The following SMYD2 variants were observed in gnomAD, a reference collection of about 807,000 sequenced individuals.
SMYD2 encodes N-lysine methyltransferase SMYD2.
SMYD2 carries 53 observed loss-of-function variants against 59.1 expected under a neutral mutation model. That is an observed-to-expected ratio of 0.90 (90% CI 0.72 to 1.13). The LOEUF (loss-of-function observed/expected upper bound fraction) is 1.13. Among genes scored for constraint, SMYD2 ranks in the 50% most tolerant of loss-of-function variants. The pLI is 0.00. For missense variants in SMYD2, 494 were observed against 544.7 expected (o/e 0.91, Z 0.93); for synonymous variants, 208 against 198.8 (o/e 1.05, Z -0.39).
intron 3 of SMYD2, among the ~76,000 whole-genome samples, chr1:214,315,807 T>C (rs1473561518): frequency 6.6e-6 from 1 of 152,180 alleles, no homozygotes; most frequent in Admixed American, 6.5e-5. Flanking sequence ...GTGCTCAAGA[T>C]TGTATTGACC....
chr1:214,295,371 C>T (rs1032586740), intron 1 of SMYD2, among the ~76,000 whole-genome samples: 2 of 151,076 alleles, frequency 1.3e-5, no homozygotes, highest in Admixed American at 1.3e-4. Flanking sequence ...CTAAATATTT[C>T]TCTCCTATAT....
chr1:214,330,201 A>G lies in SMYD2; in HGVS notation c.739A>G (p.Thr247Ala). 6.2e-7 allele frequency: 1 copy of G among 1,613,590 alleles called. No homozygotes were observed. Among genetic ancestry groups the G allele is most frequent in the South Asian group, 1.1e-5 (1 of 90,978 alleles). ...FTSYIDLLYP[T>A]EDRNDRLRDS... is the part of the protein sequence containing the mutation. ...CAGCTATATTGATCTCCTGTACCCA[A>G]CGGAAGATAGAAATGACCGGTTAAG... is the stretch of plus-strand genomic sequence containing the variant. Residue 247 changes from threonine (T) to alanine (A), a missense_variant, in exon 8 of 12, where the codon ACG becomes GCG. Thr to Ala is a moderately conservative substitution (Grantham distance 58). Transcript: ENST00000366957.
At chr1:214,327,942 T>C (rs990252108) in intron 7 of SMYD2, among the ~76,000 whole-genome samples, 7 of 152,200 alleles carry the variant, frequency 4.6e-5, no homozygotes, top group African/African-American at 1.7e-4. Context: ...GGTACATACA[T>C]TTCCATCTCT....
chr1:214,325,478 T>A (rs1259666363), intron 6 of SMYD2, among the ~76,000 whole-genome samples: 2 of 152,176 alleles, frequency 1.3e-5, no homozygotes, highest in East Asian at 3.9e-4. Flanking sequence ...CAGAGGGAGG[T>A]TGCTTAACAT....
chr1:214,311,529 G>T (rs923047206), intron 2 of SMYD2, among the ~76,000 whole-genome samples: 1 of 152,130 alleles, frequency 6.6e-6, no homozygotes, highest in African/African-American at 2.4e-5. Context: ...CTGCGAGTGG[G>T]GATAAAATGC....
intron 7 of SMYD2, among the ~76,000 whole-genome samples, chr1:214,329,928 C>T (rs547153727): frequency 3.3e-4 from 51 of 152,352 alleles, no homozygotes; most frequent in African/African-American, 1.2e-3. Context: ...TTTCCACTAA[C>T]CTGCACCTTG....
chr1:214,320,524 G>T (rs145967993), intron 5 of SMYD2, among the ~76,000 whole-genome samples: 1,602 of 152,270 alleles, frequency 0.011, 33 homozygotes, highest in African/African-American at 0.036. Context: ...TACTCAGGAG[G>T]CTGAGGTAGG....
intron 8 of SMYD2, 57 bp from the exon 9 acceptor site, chr1:214,330,893 C>T: frequency 6.2e-7 from 1 of 1,611,266 alleles, no homozygotes. Flanking sequence ...AGAGGTTTCC[C>T]TATCAGTGTG....
intron 1 of SMYD2, among the ~76,000 whole-genome samples, chr1:214,284,708 G>T (rs945450339): frequency 6.6e-6 from 1 of 152,002 alleles, no homozygotes; most frequent in Non-Finnish European, 1.5e-5. Flanking sequence ...TAGAGACAGG[G>T]TTTCATCATG....
chr1:214,286,248 T>A (rs376258646), intron 1 of SMYD2, among the ~76,000 whole-genome samples: 1 of 152,158 alleles, frequency 6.6e-6, no homozygotes, highest in African/African-American at 2.4e-5. Context: ...GGAGGATCGC[T>A]TGAAGCCAAG....
At chr1:214,328,447 C>T (rs1000771603) in intron 7 of SMYD2, among the ~76,000 whole-genome samples, 3 of 143,498 alleles carry the variant, frequency 2.1e-5, no homozygotes, top group African/African-American at 7.9e-5. Flanking sequence ...GTTCCCTTCC[C>T]ATGTGTGATT....
At chr1:214,331,095 G>A (rs767851194) in intron 9 of SMYD2, 25 bp downstream of exon 9, 1 of 1,609,456 alleles carries the variant, frequency 6.2e-7, no homozygotes, top group South Asian at 1.1e-5. Context: ...TGCCCTGATA[G>A]CTTATTATCC....
chr1:214,300,223 G>A (rs868761348), intron 1 of SMYD2, among the ~76,000 whole-genome samples: 2 of 152,186 alleles, frequency 1.3e-5, no homozygotes, highest in Non-Finnish European at 2.9e-5. Context: ...GCCAGGCAAA[G>A]CTTTTCAGTT....
At chr1:214,332,319 C>A in intron 10 of SMYD2, 127 bp downstream of exon 10, 2 of 1,083,952 alleles carry the variant, frequency 1.8e-6, no homozygotes, top group Non-Finnish European at 2.6e-6. Context: ...TCTGCACCCA[C>A]ATCTGGAGGT....
intron 11 of SMYD2, among the ~76,000 whole-genome samples, chr1:214,334,844 A>C (rs1657411514): frequency 6.6e-6 from 1 of 152,228 alleles, no homozygotes; most frequent in Non-Finnish European, 1.5e-5. Context: ...TAAGTGAGTA[A>C]TAGCCTAGGG....
intron 6 of SMYD2, among the ~76,000 whole-genome samples, chr1:214,325,892 G>C (rs1430382324): frequency 6.6e-6 from 1 of 151,260 alleles, no homozygotes; most frequent in Non-Finnish European, 1.5e-5. Context: ...ATGAACTATG[G>C]AATGTCTCTG....
Position 214,281,273 on chromosome 1 carries a change from G to C in SMYD2, c.19G>C (p.Gly7Arg). Residue 7 changes from glycine to arginine, a missense_variant, in exon 1 of 12, where the codon GGC becomes CGC. Transcript: ENST00000366957. ...CGCCACCATGAGGGCCGAGGGCCTC[G>C]GCGGCCTGGAGCGCTTCTGCAGCCC... is the stretch of plus-strand genomic sequence containing the variant. MRAEGL[G>R]GLERFCSPGK... is the part of the protein sequence containing the mutation. 1 of 1,287,882 alleles carries C rather than the reference G, an allele frequency of 7.8e-7. No individual in the cohort carries two copies. Among genetic ancestry groups the C allele is most frequent in the South Asian group, 2.7e-5 (1 of 36,548 alleles). 79.8% of individuals were successfully genotyped at this position (1,287,882 alleles called of 1,614,324 possible).
intron 1 of SMYD2, among the ~76,000 whole-genome samples, chr1:214,303,526 G>C (rs1370275628): frequency 6.6e-6 from 1 of 152,180 alleles, no homozygotes; most frequent in Non-Finnish European, 1.5e-5. Flanking sequence ...TTGAACTATT[G>C]AGGTCTGCAA....
At chr1:214,322,405 T>A (rs1571931418) in intron 5 of SMYD2, among the ~76,000 whole-genome samples, 1 of 152,074 alleles carries the variant, frequency 6.6e-6, no homozygotes, top group Non-Finnish European at 1.5e-5. Flanking sequence ...GTACTTAGAG[T>A]TGGCACAAAA....
Sources: gnomAD v4.1 joint callset for allele counts (sites outside exome capture counted in the v4.1 genomes callset) on GRCh38, gnomAD v4.1.1 for gene constraint, MANE v1.5 for transcripts, NCBI Gene and HGNC (gene_info 2026-07-23, HGNC 2026-07-21) for gene names.